The following GTF2F2 variants were observed in gnomAD, a reference collection of about 807,000 sequenced individuals.
The protein encoded by GTF2F2 is ATP-dependent helicase GTF2F2.
Under a neutral mutation model 42.2 loss-of-function variants are expected in GTF2F2, and 23 were observed. The ratio of observed to expected loss-of-function variants is 0.55; its 90% confidence interval spans 0.39 to 0.77. The LOEUF is 0.77. GTF2F2 is among the 30% of genes least tolerant of loss of function. The probability of loss-of-function intolerance (pLI) is 0.00; values close to 1 mark genes in which losing one functional copy is unlikely to be tolerated. For missense variants in GTF2F2, 261 were observed against 287.2 expected, an observed-to-expected ratio of 0.91 and a Z score of 0.66; for synonymous variants, 105 against 100.8, an observed-to-expected ratio of 1.04 and a Z score of -0.25.
intron 4 of GTF2F2, among the ~76,000 whole-genome samples, chr13:45,186,508 G>T (rs1004700251): frequency 2.0e-5 from 3 of 150,724 alleles, no homozygotes; most frequent in Non-Finnish European, 4.4e-5. Context: ...GGCCAAGCTG[G>T]TCTCGAACTC....
intron 5 of GTF2F2, among the ~76,000 whole-genome samples, chr13:45,236,445 AT>A (rs1874983674): frequency 6.6e-6 from 1 of 152,010 alleles, no homozygotes; most frequent in Non-Finnish European, 1.5e-5. Context: ...TGTCAAGAAG[AT>A]TGCTAAGTGC....
intron 1 of GTF2F2, among the ~76,000 whole-genome samples, chr13:45,120,955 C>T (rs1365632141): frequency 6.6e-6 from 1 of 152,178 alleles, no homozygotes; most frequent in African/African-American, 2.4e-5. Flanking sequence ...TGGACTAGAT[C>T]TCTTTCTCAC....
At position 45,259,647 on chromosome 13, in the gene GTF2F2, C is replaced by CTTTT. The variant is rs1172870085; in HGVS notation, c.486+6700_486+6703dup. On this transcript the variant is annotated intron_variant, in intron 6 of 7. Transcript: ENST00000340473. Reference sequence around the variant, plus strand: ...AAACCTCTTTCTCGCAAACCTAGAACTTTTTTTTTTTTTTTTTTTTTTTTT... The same window carrying CTTTT: ...AAACCTCTTTCTCGCAAACCTAGAACTTTTTTTTTTTTTTTTTTTTTTTTTTTTT... 1.4e-4 allele frequency among the ~76,000 whole-genome samples: 10 copies of CTTTT among 72,222 alleles called. No individual in the cohort carries two copies. In the East Asian group the frequency reaches 1.6e-3, roughly 12 times the overall value. 47.4% of individuals were successfully genotyped at this position (72,222 alleles called of 152,430 possible). A position where few individuals can be genotyped will look rare whatever the true frequency, so the allele number is the denominator to read the frequency against.
At chr13:45,277,513 C>A (rs1877088458) in intron 7 of GTF2F2, among the ~76,000 whole-genome samples, 1 of 152,184 alleles carries the variant, frequency 6.6e-6, no homozygotes, top group African/African-American at 2.4e-5. Context: ...AATCACCTCT[C>A]CCCAGGCCTC....
intron 5 of GTF2F2, among the ~76,000 whole-genome samples, chr13:45,233,599 C>G (rs1874798233): frequency 6.6e-6 from 1 of 152,172 alleles, no homozygotes; most frequent in Non-Finnish European, 1.5e-5. Context: ...ATAGAGGAAA[C>G]AGGAGAATAC....
chr13:45,234,818 G>A (rs950679753), intron 5 of GTF2F2, among the ~76,000 whole-genome samples: 1 of 152,058 alleles, frequency 6.6e-6, no homozygotes, highest in Non-Finnish European at 1.5e-5. Context: ...GGCCAAGGCA[G>A]GCGAATCACC....
At chr13:45,251,706 A>G (rs1329776814) in intron 5 of GTF2F2, among the ~76,000 whole-genome samples, 1 of 152,094 alleles carries the variant, frequency 6.6e-6, no homozygotes, top group African/African-American at 2.4e-5. Context: ...TTCTTACTGA[A>G]ATAAATTCTT....
intron 7 of GTF2F2, among the ~76,000 whole-genome samples, chr13:45,278,981 G>A (rs1466700615): frequency 6.6e-6 from 1 of 151,686 alleles, no homozygotes; most frequent in African/African-American, 2.4e-5. Context: ...CTGCCACCAC[G>A]CCCAGCTAAT....
At chr13:45,221,919 A>G (rs543039216) in intron 5 of GTF2F2, among the ~76,000 whole-genome samples, 2 of 152,188 alleles carry the variant, frequency 1.3e-5, no homozygotes, top group East Asian at 3.9e-4. Context: ...GTCTAAACAC[A>G]TATCTTTCAT....
At chr13:45,134,764 G>C (rs1869529732) in intron 1 of GTF2F2, among the ~76,000 whole-genome samples, 1 of 152,134 alleles carries the variant, frequency 6.6e-6, no homozygotes, top group South Asian at 2.1e-4. Flanking sequence ...CTAGTGAAGA[G>C]AGCAGAAGAC....
At chr13:45,193,293 G>C (rs1872727931) in intron 4 of GTF2F2, 1 of 152,546 alleles carries the variant, frequency 6.6e-6, no homozygotes. Flanking sequence ...TTTCACTATA[G>C]CTCTGTTTTA....
At chr13:45,278,139 G>A (rs1877108785) in intron 7 of GTF2F2, among the ~76,000 whole-genome samples, 1 of 152,132 alleles carries the variant, frequency 6.6e-6, no homozygotes, top group African/African-American at 2.4e-5. Flanking sequence ...AAATGGTAGG[G>A]GGTGGAGGGA....
intron 4 of GTF2F2, among the ~76,000 whole-genome samples, chr13:45,161,639 C>G (rs866813416): frequency 1.3e-5 from 2 of 152,144 alleles, no homozygotes; most frequent in Admixed American, 6.5e-5. Flanking sequence ...GTCAGGAGTT[C>G]AAGACCAGCC....
At chr13:45,212,449 T>TTCTTTCTTTCTTTTCTTC (rs1234822332) in intron 5 of GTF2F2, among the ~76,000 whole-genome samples, 1 of 28,664 alleles carries the variant, frequency 3.5e-5, no homozygotes, top group Non-Finnish European at 6.8e-5. Flanking sequence ...TCTTTCTTGT[T>TTCTTTCTTTCTTTTCTTC]TCTTTCTTTC....
chr13:45,178,844 G>T (rs1202070954), intron 4 of GTF2F2, among the ~76,000 whole-genome samples: 1 of 152,170 alleles, frequency 6.6e-6, no homozygotes. Flanking sequence ...CTGTTCACAT[G>T]ATGTTGACTG....
At chr13:45,193,140 G>A (rs1446734956) in intron 4 of GTF2F2, 1 of 152,146 alleles carries the variant, frequency 6.6e-6, no homozygotes, top group East Asian at 1.9e-4. Context: ...TTGTCATCAA[G>A]CAGTTTTCTA....
intron 5 of GTF2F2, among the ~76,000 whole-genome samples, chr13:45,246,146 C>T (rs1296546067): frequency 2.6e-5 from 4 of 151,022 alleles, no homozygotes; most frequent in African/African-American, 9.7e-5. Flanking sequence ...GTAGCTGGGA[C>T]TGCAGGCGCC....
At chr13:45,129,987 G>A (rs1030895372) in intron 1 of GTF2F2, among the ~76,000 whole-genome samples, 12 of 152,208 alleles carry the variant, frequency 7.9e-5, no homozygotes, top group African/African-American at 2.9e-4. Flanking sequence ...AACAGCAAAT[G>A]CGTCTTTAGA....
At chr13:45,240,975 CAA>C (rs1210038157) in intron 5 of GTF2F2, among the ~76,000 whole-genome samples, 24 of 106,452 alleles carry the variant, frequency 2.3e-4, no homozygotes, top group Non-Finnish European at 3.6e-4. Context: ...CCTGTTATTA[CAA>C]AAAAAAAAAA....
Sources: allele counts gnomAD v4.1 joint callset (sites outside exome capture counted in the v4.1 genomes callset), GRCh38; gene constraint gnomAD v4.1.1; transcripts MANE v1.5; gene names NCBI Gene and HGNC (gene_info 2026-07-23, HGNC 2026-07-21).